Variants in ELAVL1 observed in about 807,000 individuals in gnomAD.
ELAVL1 encodes the protein ELAV-like protein 1.
ELAVL1 carries 1 observed loss-of-function variant against 28.4 expected under a neutral mutation model. That is an observed-to-expected ratio of 0.04 (90% CI 0.01 to 0.17). ELAVL1 has a LOEUF of 0.17. Ranked by LOEUF, ELAVL1 falls within the 10% of genes least tolerant of loss-of-function variation. The pLI, the probability that ELAVL1 is intolerant of heterozygous loss-of-function variation, is 1.00. For synonymous variants in ELAVL1, 174 were observed against 183.5 expected (o/e 0.95, Z 0.42); for missense variants, 157 against 447.2 (o/e 0.35, Z 5.85).
At chr19:7,974,364 C>A (rs1476934088) in intron 3 of ELAVL1, among the ~76,000 whole-genome samples, 2 of 152,252 alleles carry the variant, frequency 1.3e-5, no homozygotes, top group African/African-American at 4.8e-5. Context: ...CGAGTTTGTA[C>A]TCAAATCCAC....
chr19:7,963,534 C>T lies in ELAVL1; in HGVS notation c.930G>A (p.Leu310=), dbSNP rs1407157069. 1.2e-6 allele frequency: 2 copies of T among 1,613,700 alleles called. No homozygotes were observed. The highest frequency in any genetic ancestry group is 1.7e-5 in the Admixed American group (1 of 60,012). ...MAIASLNGYR[L]GDKILQVSFK... ...AGGAAACCTGTAAGATTTTGTCCCC[C>T]AGGCGGTAGCCGTTCAGGCTGGCTA... Residue 310 remains leucine, a synonymous_variant, in exon 6 of 6, where the codon CTG becomes CTA. Transcript: ENST00000407627. The surrounding 1 kb of genome is among the most constrained non-coding windows in gnomAD (Gnocchi z 4.5).
Position 8,001,633 on chromosome 19 carries a change from A to AT in ELAVL1, c.-17+3861_-17+3862insA, listed in dbSNP as rs2081068287. ...ACATAAACGTCTCACTCTTAAAAAA[A>AT]ATTTTTTTTTTTTTTAGAGATGGGA... On this transcript the variant is annotated intron_variant, in intron 1 of 5. Coordinates refer to ENST00000407627, the MANE Select transcript of ELAVL1 (RefSeq NM_001419.3). Among the ~76,000 whole-genome samples, 7 of 141,884 alleles carry AT rather than the reference A, an allele frequency of 4.9e-5. No homozygotes were observed. In the South Asian group the frequency reaches 1.6e-3, roughly 32 times the overall value. 93.1% of individuals were successfully genotyped at this position (141,884 alleles called of 152,430 possible).
Position 7,960,511 on chromosome 19 carries a change from C to T in ELAVL1, c.*2972G>A, listed in dbSNP as rs936779009. ...GCCAGCACAGAAAACTGCGGCTTGG[C>T]AAATTACACTGAAAACGAAATAATG... On this transcript the variant is annotated 3_prime_UTR_variant, in exon 6 of 6. Transcript: ENST00000407627. 3.9e-5 allele frequency: 6 copies of T among 152,258 alleles called. No individual in the cohort carries two copies. Among genetic ancestry groups the T allele is most frequent in the African/African-American group, 1.4e-4 (6 of 41,422 alleles). 9.4% of individuals were successfully genotyped at this position (152,258 alleles called of 1,614,324 possible). A position where few individuals can be genotyped will look rare whatever the true frequency, so the allele number is the denominator to read the frequency against.
intron 1 of ELAVL1, among the ~76,000 whole-genome samples, chr19:7,996,954 C>A (rs1467844253): frequency 6.6e-6 from 1 of 152,158 alleles, no homozygotes; most frequent in Non-Finnish European, 1.5e-5. Context: ...CAAATTAAAA[C>A]CACATCGAGA....
chr19:7,983,916 C>T (rs767834192), intron 2 of ELAVL1, among the ~76,000 whole-genome samples: 18 of 152,026 alleles, frequency 1.2e-4, no homozygotes, highest in Non-Finnish European at 1.5e-4. Context: ...CAGGGTAGGG[C>T]CTACCCTCTT....
intron 1 of ELAVL1, among the ~76,000 whole-genome samples, chr19:8,003,520 G>A (rs1182498599): frequency 1.3e-5 from 2 of 151,446 alleles, no homozygotes; most frequent in African/African-American, 4.8e-5. Context: ...GTGAAACCCC[G>A]TCTCTACTAA....
chr19:8,003,062 T>C (rs2081073654), intron 1 of ELAVL1, among the ~76,000 whole-genome samples: 1 of 152,034 alleles, frequency 6.6e-6, no homozygotes, highest in Admixed American at 6.6e-5. Flanking sequence ...TTCATAAAGT[T>C]TTTTCATAAT....
intron 1 of ELAVL1, among the ~76,000 whole-genome samples, chr19:8,004,848 C>T (rs192711341): frequency 1.9e-4 from 29 of 152,298 alleles, no homozygotes; most frequent in Non-Finnish European, 2.9e-4. Flanking sequence ...GGGCATCCAT[C>T]CCCCATTGTT....
At chr19:8,004,936 G>C (rs779794533) in intron 1 of ELAVL1, among the ~76,000 whole-genome samples, 28 of 152,044 alleles carry the variant, frequency 1.8e-4, no homozygotes, top group Non-Finnish European at 3.1e-4. Context: ...CCCACAAACA[G>C]CTTTGTTAGA....
chr19:7,990,078 A>G (rs1172765135), intron 2 of ELAVL1, among the ~76,000 whole-genome samples: 4 of 152,230 alleles, frequency 2.6e-5, no homozygotes, highest in East Asian at 3.8e-4. Flanking sequence ...ACTGGAGTGC[A>G]GTGGCACAAT....
intron 1 of ELAVL1, chr19:8,001,953 A>T (rs1386898671): frequency 1.2e-5 from 12 of 987,320 alleles, no homozygotes; most frequent in South Asian, 8.1e-5. Flanking sequence ...CCACCTCAGT[A>T]CTGCAACAGC....
rs1984784951 is a variant in ELAVL1, at chr19:7,960,805, T to C, written c.*2678A>G. On this transcript the variant is annotated 3_prime_UTR_variant, in exon 6 of 6. Coordinates refer to ENST00000407627, the MANE Select transcript of ELAVL1 (RefSeq NM_001419.3). ...CTATGTAAAATTTTTTAAGAAATGGTTTCTTTTGGGTTGAGCCTTTTTTAA... is the reference window on the plus strand; with the variant it reads ...CTATGTAAAATTTTTTAAGAAATGGCTTCTTTTGGGTTGAGCCTTTTTTAA... The C allele has an allele frequency of 6.6e-6, 1 of 152,406 alleles. No homozygotes were observed. 9.4% of individuals were successfully genotyped at this position (152,406 alleles called of 1,614,324 possible). A position where few individuals can be genotyped will look rare whatever the true frequency, so the allele number is the denominator to read the frequency against.
chr19:7,974,366 C>G, intron 3 of ELAVL1, among the ~76,000 whole-genome samples: 1 of 151,376 alleles, frequency 6.6e-6, no homozygotes, highest in East Asian at 2.0e-4. Context: ...AGTTTGTACT[C>G]AAATCCACTC....
At chr19:7,993,350 C>A (rs535729880) in intron 1 of ELAVL1, among the ~76,000 whole-genome samples, 1 of 152,266 alleles carries the variant, frequency 6.6e-6, no homozygotes, top group South Asian at 2.1e-4. Context: ...TGGGGTGTAC[C>A]TGAACCCCAC....
intron 1 of ELAVL1, chr19:8,002,143 C>T: frequency 7.8e-7 from 1 of 1,286,864 alleles, no homozygotes; most frequent in Non-Finnish European, 1.0e-6. Flanking sequence ...CTAAAGAACC[C>T]ACGTGGTTCT....
chr19:7,989,902 G>A (rs750736670), intron 2 of ELAVL1, among the ~76,000 whole-genome samples: 3 of 152,190 alleles, frequency 2.0e-5, no homozygotes, highest in African/African-American at 7.2e-5. Context: ...AGTCATGTGG[G>A]GGTCAGGTGT....
intron 1 of ELAVL1, among the ~76,000 whole-genome samples, chr19:7,992,591 G>T (rs930262393): frequency 4.8e-4 from 73 of 152,260 alleles, no homozygotes; most frequent in African/African-American, 1.7e-3. Context: ...GTCGGCGTGG[G>T]GGGGACAACA....
At chr19:7,995,801 G>T (rs1985859476) in intron 1 of ELAVL1, among the ~76,000 whole-genome samples, 2 of 151,154 alleles carry the variant, frequency 1.3e-5, no homozygotes, top group South Asian at 4.2e-4. Context: ...AAAAAAAATG[G>T]ATAAACTGGA....
At chr19:7,980,703 G>A (rs1985437110) in intron 3 of ELAVL1, among the ~76,000 whole-genome samples, 1 of 152,208 alleles carries the variant, frequency 6.6e-6, no homozygotes, top group Non-Finnish European at 1.5e-5. Flanking sequence ...TTTGGTCACT[G>A]TGGGGCACAC....
Sources: allele counts gnomAD v4.1 joint callset (sites outside exome capture counted in the v4.1 genomes callset), GRCh38; gene constraint gnomAD v4.1.1; non-coding constraint Gnocchi (gnomAD v3.1); transcripts MANE v1.5; gene names NCBI Gene and HGNC (gene_info 2026-07-23, HGNC 2026-07-21).